The following PDSS2 variants were observed in gnomAD, a reference collection of about 807,000 sequenced individuals.
PDSS2 encodes decaprenyl diphosphate synthase subunit 2.
PDSS2 carries 31 observed loss-of-function variants against 44.5 expected under a neutral mutation model. That is an observed-to-expected ratio of 0.70 (90% CI 0.52 to 0.94). PDSS2 has a LOEUF of 0.94. Among genes scored for constraint, PDSS2 ranks in the 40% least tolerant of loss-of-function variants. PDSS2 has a pLI of 0.00. For synonymous variants in PDSS2, 157 were observed against 180.3 expected (o/e 0.87, Z 1.03); for missense variants, 452 against 482.2 (o/e 0.94, Z 0.59).
intron 1 of PDSS2, among the ~76,000 whole-genome samples, chr6:107,349,824 C>T (rs898748207): frequency 5.9e-5 from 9 of 152,160 alleles, no homozygotes; most frequent in South Asian, 2.1e-4. Flanking sequence ...AAATCACTAA[C>T]GGGAATACAT....
Position 107,322,016 on chromosome 6 carries a change from C to A in PDSS2, c.431+12182G>T, listed in dbSNP as rs533842962. Among the ~76,000 whole-genome samples, 7 of 152,312 alleles carry A rather than the reference C, an allele frequency of 4.6e-5. No homozygotes were observed. The East Asian group carries it at 1.2e-3, about 25-fold the overall frequency. On this transcript the variant is annotated intron_variant, in intron 2 of 7. Transcript: ENST00000369037. The stretch of plus-strand genomic sequence containing the variant: ...TGGGCTCCCTCAACCTCACTTCCTA[C>A]CTGATGGGGCCTAAACAATCATATT...
intron 2 of PDSS2, among the ~76,000 whole-genome samples, chr6:107,300,404 G>T (rs1776655607): frequency 6.6e-6 from 1 of 152,072 alleles, no homozygotes. Flanking sequence ...GGGTTTTCCT[G>T]TTGAGAGGGG....
intron 1 of PDSS2, among the ~76,000 whole-genome samples, chr6:107,340,733 G>A (rs557282521): frequency 1.7e-4 from 26 of 152,318 alleles, no homozygotes; most frequent in African/African-American, 5.5e-4. Context: ...ATTTCCCTGA[G>A]TAGGGAACAG....
At chr6:107,300,085 T>A (rs1252471965) in intron 2 of PDSS2, among the ~76,000 whole-genome samples, 1 of 152,202 alleles carries the variant, frequency 6.6e-6, no homozygotes, top group Non-Finnish European at 1.5e-5. Context: ...CCCTACTAAC[T>A]GTTGGATGTG....
At chr6:107,429,902 ATAT>A (rs1240155604) in intron 1 of PDSS2, among the ~76,000 whole-genome samples, 497 of 44,550 alleles carry the variant, frequency 0.011, 36 homozygotes, top group African/African-American at 0.017. Flanking sequence ...AAAAAAAAAA[ATAT>A]ATATATATAT....
chr6:107,179,130 A>C (rs1036781149), intron 7 of PDSS2, among the ~76,000 whole-genome samples: 12 of 152,238 alleles, frequency 7.9e-5, no homozygotes. Context: ...ACAGCTGCAC[A>C]CAAATCTTAG....
intron 1 of PDSS2, among the ~76,000 whole-genome samples, chr6:107,409,502 G>C (rs1780425166): frequency 6.6e-6 from 1 of 152,014 alleles, no homozygotes; most frequent in Non-Finnish European, 1.5e-5. Flanking sequence ...CAGGAGTGAA[G>C]CTATTTTTCT....
At chr6:107,307,906 G>A (rs1405658997) in intron 2 of PDSS2, among the ~76,000 whole-genome samples, 1 of 152,156 alleles carries the variant, frequency 6.6e-6, no homozygotes, top group African/African-American at 2.4e-5. Flanking sequence ...CTTTACAAAT[G>A]AGTGTATTTG....
chr6:107,261,907 C>CTT (rs58274022), intron 3 of PDSS2, among the ~76,000 whole-genome samples: 6 of 117,102 alleles, frequency 5.1e-5, no homozygotes, highest in African/African-American at 1.8e-4. Context: ...TCTTTCTTTT[C>CTT]TTTTTTTTTT....
intron 1 of PDSS2, among the ~76,000 whole-genome samples, chr6:107,389,529 A>T (rs1779716827): frequency 6.6e-6 from 1 of 152,188 alleles, no homozygotes; most frequent in South Asian, 2.1e-4. Flanking sequence ...AATAGATGCT[A>T]CATCATAGAA....
intron 2 of PDSS2, among the ~76,000 whole-genome samples, chr6:107,283,348 GA>G (rs1284060596): frequency 3.3e-5 from 5 of 149,782 alleles, no homozygotes; most frequent in Admixed American, 6.7e-5. Context: ...AAGAAAAAAA[GA>G]AAAAAACCCA....
chr6:107,274,207 A>G lies in PDSS2; in HGVS notation c.452T>C (p.Ile151Thr). The G allele has an allele frequency of 6.2e-7, 1 of 1,613,706 alleles. No homozygotes were observed. The highest frequency in any genetic ancestry group is 8.5e-7 in the Non-Finnish European group (1 of 1,179,552). The change falls in exon 3 of 8, where the codon ATC (isoleucine) becomes ACC (threonine). Residue 151 changes from isoleucine to threonine, a missense_variant. Transcript: ENST00000369037. ...GAGAGCAATATGAATTAGCTCCGTG[A>G]TCTCTGCCAAACTTCTTTGACTAAA... ...IYSCQRSLAE[I>T]TELIHIALLV...
intron 1 of PDSS2, among the ~76,000 whole-genome samples, chr6:107,417,302 C>T (rs181516287): frequency 6.6e-6 from 1 of 152,180 alleles, no homozygotes; most frequent in East Asian, 1.9e-4. Flanking sequence ...ATGATAATGA[C>T]CAATATTGGC....
rs74668368 is a variant in PDSS2 at position 107,228,867 on chromosome 6, T to C, written c.703-16585A>G. ...GGATGCCAGTAAAATTAAAGGTATT[T>C]ATTATCACCACTAGCATCTTCAAAG... is the stretch of plus-strand genomic sequence containing the variant. On this transcript the variant is annotated intron_variant, in intron 4 of 7. Transcript: ENST00000369037. 1.4e-4 allele frequency among the ~76,000 whole-genome samples: 22 copies of C among 152,268 alleles called. No homozygotes were observed. In the East Asian group the frequency reaches 4.2e-3, roughly 29 times the overall value.
At chr6:107,363,554 C>T (rs1319124698) in intron 1 of PDSS2, among the ~76,000 whole-genome samples, 1 of 152,172 alleles carries the variant, frequency 6.6e-6, no homozygotes, top group African/African-American at 2.4e-5. Flanking sequence ...CACATCTTCG[C>T]AGTGAGTGTT....
intron 1 of PDSS2, among the ~76,000 whole-genome samples, chr6:107,421,226 C>T (rs1780814362): frequency 6.6e-6 from 1 of 152,164 alleles, no homozygotes; most frequent in Non-Finnish European, 1.5e-5. Flanking sequence ...CTAGATTTCT[C>T]ATACCTTGCC....
At chr6:107,254,499 G>A (rs1299558203) in intron 3 of PDSS2, among the ~76,000 whole-genome samples, 1 of 152,086 alleles carries the variant, frequency 6.6e-6, no homozygotes, top group Non-Finnish European at 1.5e-5. Context: ...AAACAAACAA[G>A]CAACGTAAAA....
intron 2 of PDSS2, among the ~76,000 whole-genome samples, chr6:107,322,071 T>C (rs1777398339): frequency 6.6e-6 from 1 of 152,226 alleles, no homozygotes; most frequent in African/African-American, 2.4e-5. Flanking sequence ...CACATACCCT[T>C]TTCTTGATGA....
rs562319969 is a variant in PDSS2 at position 107,179,657 on chromosome 6, C to A, written c.1041+14165G>T. Among the ~76,000 whole-genome samples the A allele has an allele frequency of 1.7e-4, 26 of 152,268 alleles. No individual in the cohort carries two copies. In the South Asian group the frequency reaches 5.2e-3, roughly 30 times the overall value. ...CTACAATCTTTAGTAACATTTCACA[C>A]TTCACTGAGCTATGCTGCAGGTCCC... On this transcript the variant is annotated intron_variant, in intron 7 of 7. Transcript: ENST00000369037.
Sources: allele counts gnomAD v4.1 joint callset (sites outside exome capture counted in the v4.1 genomes callset), GRCh38; gene constraint gnomAD v4.1.1; transcripts MANE v1.5; gene names NCBI Gene and HGNC (gene_info 2026-07-23, HGNC 2026-07-21).